The following RANBP2 variants were observed in gnomAD, a reference collection of about 807,000 sequenced individuals.
RANBP2 encodes the protein E3 SUMO-protein ligase RanBP2.
Under a neutral mutation model 303.6 loss-of-function variants are expected in RANBP2, and 57 were observed. That is an observed-to-expected ratio of 0.19 (90% confidence interval 0.15 to 0.23). The LOEUF is 0.23. Among genes scored for constraint, RANBP2 ranks in the 10% least tolerant of loss-of-function variants. The pLI, the probability that RANBP2 is intolerant of heterozygous loss-of-function variation, is 1.00. For missense variants in RANBP2, 3,138 were observed against 3,780.8 expected, an observed-to-expected ratio of 0.83 and a Z score of 4.46; for synonymous variants, 1,167 against 1,301.5, an observed-to-expected ratio of 0.90 and a Z score of 2.23.
intron 1 of RANBP2, among the ~76,000 whole-genome samples, chr2:108,728,878 A>G (rs1236729180): frequency 6.6e-6 from 1 of 152,144 alleles, no homozygotes; most frequent in Non-Finnish European, 1.5e-5. Context: ...TCCTGACCTC[A>G]GGTGATCCGC....
chr2:108,864,498 C>CA, the RANBP2 span, among the ~76,000 whole-genome samples: 1 of 151,068 alleles, frequency 6.6e-6, no homozygotes, highest in African/African-American at 2.4e-5. Flanking sequence ...CCCATCTCTA[C>CA]AAAAAAATTA....
the RANBP2 span, among the ~76,000 whole-genome samples, chr2:108,857,132 G>A: frequency 3.4e-5 from 4 of 117,706 alleles, no homozygotes; most frequent in African/African-American, 1.3e-4. Flanking sequence ...AAGCTGGAGT[G>A]CAGTGGCACG....
At chr2:109,578,513 C>A in the RANBP2 span, among the ~76,000 whole-genome samples, 6 of 130,976 alleles carry the variant, frequency 4.6e-5, no homozygotes, top group Non-Finnish European at 9.6e-5. Flanking sequence ...TGCCTGTAAT[C>A]CCAGCACTTT....
At chr2:109,341,767 A>G in the RANBP2 span, among the ~76,000 whole-genome samples, 3 of 152,192 alleles carry the variant, frequency 2.0e-5, no homozygotes, top group Non-Finnish European at 4.4e-5. Flanking sequence ...TATGCATGTC[A>G]TCATAAAACA....
the RANBP2 span, among the ~76,000 whole-genome samples, chr2:108,943,141 C>T: frequency 6.6e-6 from 1 of 152,176 alleles, no homozygotes; most frequent in Non-Finnish European, 1.5e-5. Context: ...TCCTGTCAAA[C>T]TCAGGGTCTT....
the RANBP2 span, among the ~76,000 whole-genome samples, chr2:109,714,640 C>T: frequency 4.1e-5 from 6 of 147,818 alleles, no homozygotes; most frequent in African/African-American, 1.3e-4. Context: ...GAGACAAGGT[C>T]TCTCTGTATT....
the RANBP2 span, among the ~76,000 whole-genome samples, chr2:109,033,310 A>C: frequency 6.6e-6 from 1 of 152,328 alleles, no homozygotes; most frequent in East Asian, 1.9e-4. Context: ...AGGTGAATGC[A>C]CGGGCCCAGT....
chr2:109,462,166 T>C, the RANBP2 span, among the ~76,000 whole-genome samples: 1 of 149,758 alleles, frequency 6.7e-6, no homozygotes, highest in African/African-American at 2.5e-5. Flanking sequence ...CACAAGGCCA[T>C]CAATGTCATG....
chr2:108,727,846 G>A (rs1432623375), intron 1 of RANBP2, among the ~76,000 whole-genome samples: 4 of 152,050 alleles, frequency 2.6e-5, no homozygotes, highest in African/African-American at 7.2e-5. Context: ...CAGGTGATCC[G>A]CCCGCCTCGG....
the RANBP2 span, among the ~76,000 whole-genome samples, chr2:109,067,252 A>G: frequency 6.6e-6 from 1 of 152,162 alleles, no homozygotes; most frequent in African/African-American, 2.4e-5. Context: ...CCACTGCAAT[A>G]AGGATTAGAA....
At chr2:109,260,229 C>T in the RANBP2 span, among the ~76,000 whole-genome samples, 4 of 152,222 alleles carry the variant, frequency 2.6e-5, no homozygotes, top group East Asian at 1.9e-4. Context: ...TGTGATTTAC[C>T]GTCCTCTCCC....
At chr2:108,791,567 T>A in the RANBP2 span, 269 of 1,316,032 alleles carry the variant, frequency 2.0e-4, no homozygotes, top group Non-Finnish European at 2.8e-4. Context: ...TAAAAAATGT[T>A]TTTACATTTT....
At chr2:109,574,554 G>GT in the RANBP2 span, 1 of 1,390,284 alleles carries the variant, frequency 7.2e-7, no homozygotes, top group East Asian at 2.5e-5. Flanking sequence ...TTAAAGTATG[G>GT]TAAGTTGATT....
the RANBP2 span, among the ~76,000 whole-genome samples, chr2:109,108,510 CCTCT>C: frequency 1.6e-3 from 241 of 152,296 alleles, no homozygotes; most frequent in African/African-American, 5.6e-3. Flanking sequence ...GTGGAGCCAA[CCTCT>C]GCAGTTGTGG....
At chr2:109,061,433 T>C in the RANBP2 span, among the ~76,000 whole-genome samples, 2 of 152,138 alleles carry the variant, frequency 1.3e-5, no homozygotes, top group Non-Finnish European at 2.9e-5. Flanking sequence ...GCTCATCTCT[T>C]TGGGTCTGTG....
At chr2:108,729,634 C>T (rs1485416003) in intron 2 of RANBP2, among the ~76,000 whole-genome samples, 1 of 151,884 alleles carries the variant, frequency 6.6e-6, no homozygotes, top group Non-Finnish European at 1.5e-5. Flanking sequence ...TGCTCTAAGG[C>T]TCTATCCTAG....
the RANBP2 span, among the ~76,000 whole-genome samples, chr2:109,089,313 CAG>C: frequency 6.6e-6 from 1 of 152,008 alleles, no homozygotes; most frequent in Non-Finnish European, 1.5e-5. Flanking sequence ...GTTAAAAACA[CAG>C]GGGTTGGCTG....
the RANBP2 span, among the ~76,000 whole-genome samples, chr2:108,800,425 C>T: frequency 3.3e-5 from 5 of 151,850 alleles, no homozygotes; most frequent in East Asian, 3.9e-4. Flanking sequence ...CCACCATGCC[C>T]GGCTAATTTT....
At chr2:109,178,023 C>T in the RANBP2 span, among the ~76,000 whole-genome samples, 2 of 152,134 alleles carry the variant, frequency 1.3e-5, no homozygotes, top group African/African-American at 4.8e-5. Context: ...AATCTTTTCT[C>T]CCAATTGTTC....
Sources: allele counts gnomAD v4.1 joint callset (sites outside exome capture counted in the v4.1 genomes callset), GRCh38; gene constraint gnomAD v4.1.1; transcripts MANE v1.5; gene names NCBI Gene and HGNC (gene_info 2026-07-23, HGNC 2026-07-21).